The following TTN variants were observed in gnomAD, a reference collection of about 807,000 sequenced individuals.
TTN encodes the protein connectin.
A neutral mutation model predicts 3,223.0 loss-of-function variants in TTN; 1,525 were observed. The observed-to-expected ratio is 0.47, with a 90% CI of 0.45 to 0.49. The LOEUF (loss-of-function observed/expected upper bound fraction) is 0.49. Among genes scored for constraint, TTN ranks in the 20% least tolerant of loss-of-function variants. The pLI, the probability that TTN is intolerant of heterozygous loss-of-function variation, is 0.00. For synonymous variants in TTN, 14,094 were observed against 15,161.0 expected, an observed-to-expected ratio of 0.93 and a Z score of 5.17; for missense variants, 40,786 against 43,424.0, an observed-to-expected ratio of 0.94 and a Z score of 5.40.
chr2:178,751,969 G>A, intron 47 of TTN: 3 of 1,589,244 alleles, frequency 1.9e-6, no homozygotes, highest in Non-Finnish European at 2.6e-6. Context: ...TGTGGTCTAT[G>A]TCTTCAGAAT....
rs373871146 is a variant in TTN at position 178,546,468 on chromosome 2, G to A, written c.94863C>T (p.His31621=). 764 of 1,613,024 alleles carry A rather than the reference G, an allele frequency of 4.7e-4. 20 individuals carry two copies. In the Middle Eastern group the frequency reaches 0.033, roughly 69 times the overall value. The change falls in exon 342 of 363, where the codon CAC becomes CAT. Residue 31621 remains histidine, a synonymous_variant. Coordinates refer to ENST00000589042, the MANE Select transcript of TTN (RefSeq NM_001267550.2). ...PPKAELDARL[H]GDLVTIRAGS... Reference sequence around the variant, plus strand: ...CTGCTCTGATGGTAACCAGATCACCGTGTAATCGGGCATCCAGTTCGGCTT... The same window carrying A: ...CTGCTCTGATGGTAACCAGATCACCATGTAATCGGGCATCCAGTTCGGCTT...
chr2:178,621,077 A>T, intron 246 of TTN, 25 bp downstream of exon 246: 5 of 1,607,674 alleles, frequency 3.1e-6, no homozygotes, highest in South Asian at 2.2e-5. Context: ...CAAACAAAAA[A>T]CCCTAAAAGC....
chr2:178,748,676 T>G (rs768960532), intron 47 of TTN: 5 of 1,612,926 alleles, frequency 3.1e-6, no homozygotes, highest in Non-Finnish European at 4.2e-6. Context: ...CTGCTTTAAG[T>G]CAAATGTAAT....
chr2:178,745,491 C>A, intron 47 of TTN: 1 of 1,550,134 alleles, frequency 6.5e-7, no homozygotes, highest in Non-Finnish European at 8.7e-7. Flanking sequence ...ATATGGTGGA[C>A]CTGTTTGGAA....
Position 178,605,677 on chromosome 2 carries a change from T to C in TTN, c.53618A>G (p.Glu17873Gly). 1.9e-6 allele frequency: 3 copies of C among 1,601,324 alleles called. No homozygotes were observed. The highest frequency in any genetic ancestry group is 2.6e-6 in the Non-Finnish European group (3 of 1,171,982). The change falls in exon 279 of 363, where the codon GAA becomes GGA. Residue 17873 changes from glutamate (E) to glycine (G), a missense_variant. Physicochemically the swap from Glu to Gly is moderately conservative, Grantham distance 98. Coordinates refer to ENST00000589042, the MANE Select transcript of TTN (RefSeq NM_001267550.2). The stretch of plus-strand genomic sequence containing the variant: ...AAGTGTGATAGTGGACTTTGTCCTT[T>C]CAGTGTATGTGAGCCTCTCTGGAGA... ...PTSPERLTYT[E>G]RTKSTITLDW... is the part of the protein sequence containing the mutation.
In TTN at chr2:178,718,071, A is replaced by G. The variant is rs756314449; in HGVS notation, c.24935T>C (p.Met8312Thr). 2.5e-6 allele frequency: 4 copies of G among 1,613,564 alleles called. No individual in the cohort carries two copies. In the South Asian group the frequency reaches 4.4e-5, roughly 18 times the overall value. Residue 8312 changes from methionine (M) to threonine (T), a missense_variant, in exon 86 of 363, where the codon ATG becomes ACG. Met to Thr is a moderately conservative substitution (Grantham distance 81). Transcript: ENST00000589042. ...GGAAGCAACGTTATTTTTGAATTGC[A>G]TTTTATATGCAGGAGCTGATCGTAG... Reference protein sequence around the residue: ...TKLRSAPAYKMQFKNNVASLV... With the variant: ...TKLRSAPAYKTQFKNNVASLV...
chr2:178,746,373 T>C (rs777422156), intron 47 of TTN: 7 of 1,611,552 alleles, frequency 4.3e-6, no homozygotes, highest in East Asian at 2.2e-5. Flanking sequence ...CTCACAATCA[T>C]ACTTTTATGG....
rs931997387 is a variant in TTN, at chr2:178,539,837, T to C, written c.98228A>G (p.Gln32743Arg). 1.2e-6 allele frequency: 2 copies of C among 1,613,758 alleles called. No individual in the cohort carries two copies. The highest frequency in any genetic ancestry group is 2.7e-5 in the African/African-American group (2 of 74,922). The change falls in exon 352 of 363, where the codon CAG becomes CGG. Residue 32743 changes from glutamine to arginine, a missense_variant. By Grantham distance (43) the Gln-to-Arg change is conservative (BLOSUM62 1). Coordinates refer to ENST00000589042, the MANE Select transcript of TTN (RefSeq NM_001267550.2). ...AATCATGGCACGCTTACTAATATCC[T>C]GGCCTTCCTTGGTCCATTTACATAT... ...FPICKWTKEG[Q>R]DISKRAMIAT...
chr2:178,660,613 C>T (rs1342053957), intron 180 of TTN, among the ~76,000 whole-genome samples: 1 of 149,662 alleles, frequency 6.7e-6, no homozygotes, highest in Non-Finnish European at 1.5e-5. Flanking sequence ...AGGACATAGG[C>T]ATGGGCAAGG....
At position 178,620,709 on chromosome 2, in the gene TTN, A is replaced by T; in HGVS notation, c.45895+6T>A. 6.2e-6 allele frequency: 10 copies of T among 1,611,766 alleles called. No homozygotes were observed. The highest frequency in any genetic ancestry group is 8.5e-6 in the Non-Finnish European group (10 of 1,178,908). ...AAAAATCTCTAGTGGTATATAAATT[A>T]CTTACCTTCTACTATTAGATTGGCT... On this transcript the variant is annotated splice_donor_region_variant and intron_variant, in intron 247 of 362. Coordinates refer to ENST00000589042, the MANE Select transcript of TTN (RefSeq NM_001267550.2).
rs372187889 is a variant in TTN at position 178,777,945 on chromosome 2, A to C, written c.4239T>G (p.Ser1413=). The C allele has an allele frequency of 5.0e-6, 8 of 1,613,848 alleles. No homozygotes were observed. In the African/African-American group the frequency reaches 1.1e-4, roughly 22 times the overall value. ...RSLSPRSVSR[S]PIRMSPARMS... is the part of the protein sequence containing the mutation. Reference sequence around the variant, plus strand: ...TCCGTGCAGGAGACATGCGTATAGGAGACCTGCTCACTGAACGTGGAGAGA... The same window carrying C: ...TCCGTGCAGGAGACATGCGTATAGGCGACCTGCTCACTGAACGTGGAGAGA... The change falls in exon 25 of 363, where the codon TCT becomes TCG. Residue 1413 remains serine, a synonymous_variant. Transcript: ENST00000589042.
rs1178344737 is a variant in TTN, at chr2:178,740,698, A to G, written c.12535T>C (p.Ser4179Pro). 1.2e-6 allele frequency: 2 copies of G among 1,613,720 alleles called. No homozygotes were observed. The highest frequency in any genetic ancestry group is 8.5e-7 in the Non-Finnish European group (1 of 1,179,812). ...CTTGGGAAGATTTTCTCGGTATCTG[A>G]TAGAACTGCCTGTGTCTCAGGCTCT... ...PEEPETQAVL[S>P]DTEKIFPSAM... Residue 4179 changes from serine to proline, a missense_variant, in exon 48 of 363, where the codon TCA (serine) becomes CCA (proline). Coordinates refer to ENST00000589042, the MANE Select transcript of TTN (RefSeq NM_001267550.2).
chr2:178,727,864 C>G lies in TTN; in HGVS notation c.19715-1G>C, dbSNP rs767658044. 6.4e-7 allele frequency: 1 copy of G among 1,567,122 alleles called. No homozygotes were observed. The highest frequency in any genetic ancestry group is 8.6e-7 in the Non-Finnish European group (1 of 1,160,238). On this transcript the variant is annotated splice_acceptor_variant, in intron 67 of 362. Transcript: ENST00000589042. LOFTEE classifies it high-confidence loss of function. Reference sequence around the variant, plus strand: ...GGTTTCACTAGGAAGCTTGGTGGTTCTATAGATTTTAAGAGAGATATATTT... The same window carrying G: ...GGTTTCACTAGGAAGCTTGGTGGTTGTATAGATTTTAAGAGAGATATATTT...
At chr2:178,721,798 A>G in intron 78 of TTN, 49 bp downstream of exon 78, 1 of 1,437,776 alleles carries the variant, frequency 7.0e-7, no homozygotes, top group Admixed American at 2.5e-5. Context: ...TAAGACAATT[A>G]TGCAAATATG....
chr2:178,733,070 A>G lies in TTN; in HGVS notation c.16106T>C (p.Val5369Ala), dbSNP rs1407785236. ...GTCCAGTCTGCAGGTACCATTAACA[A>G]CACTATCCACGTTGCGCAAGGGTTT... ...FTKPLRNVDS[V>A]VNGTCRLDCK... The change falls in exon 55 of 363, where the codon GTT becomes GCT. Residue 5369 changes from valine (V) to alanine (A), a missense_variant. By Grantham distance (64) the Val-to-Ala change is moderately conservative. Coordinates refer to ENST00000589042, the MANE Select transcript of TTN (RefSeq NM_001267550.2). The G allele has an allele frequency of 3.1e-6, 5 of 1,609,920 alleles. No individual in the cohort carries two copies. Among genetic ancestry groups the G allele is most frequent in the Non-Finnish European group, 4.2e-6 (5 of 1,177,404 alleles).
In TTN at chr2:178,588,207, G is replaced by A. The variant is rs1479721183; in HGVS notation, c.63200C>T (p.Pro21067Leu). ...ATCAACCACTCTGAAATTGGTTGGT[G>A]GACCAGGTGGCTCTGAAAGTAAAAT... ...VAKDPIEPPG[P>L]PTNFRVVDTT... The change falls in exon 305 of 363, where the codon CCA (proline) becomes CTA (leucine). Residue 21067 changes from proline to leucine, a missense_variant. Transcript: ENST00000589042. The A allele has an allele frequency of 6.4e-7, 1 of 1,571,320 alleles. No homozygotes were observed. Among genetic ancestry groups the A allele is most frequent in the Admixed American group, 1.8e-5 (1 of 56,762 alleles).
rs756544826 is a variant in TTN at position 178,563,577 on chromosome 2, A to G, written c.82555T>C (p.Cys27519Arg). Residue 27519 changes from cysteine (C) to arginine (R), a missense_variant, in exon 326 of 363, where the codon TGC (cysteine) becomes CGC (arginine). By Grantham distance (180) the Cys-to-Arg change is radical. Transcript: ENST00000589042. This position sits in a 1 kb window ranked among gnomAD's most constrained non-coding sequence, Gnocchi z 4.5. ...RDKEGVRWTKCNKKTLTDLRL... is the reference protein window; with the variant it reads ...RDKEGVRWTKRNKKTLTDLRL... ...AGATCCGTTAATGTTTTCTTGTTGC[A>G]CTTGGTCCATCTAACGCCTTCCTTA... 6.2e-7 allele frequency: 1 copy of G among 1,613,768 alleles called. No homozygotes were observed. Among genetic ancestry groups the G allele is most frequent in the South Asian group, 1.1e-5 (1 of 91,082 alleles).
rs2070159282 is a variant in TTN at position 178,684,057 on chromosome 2, G to A, written c.32748C>T (p.Val10916=). The change falls in exon 133 of 363, where the codon GTC becomes GTT. Residue 10916 remains valine, a synonymous_variant. Coordinates refer to ENST00000589042, the MANE Select transcript of TTN (RefSeq NM_001267550.2). ...TGAGTTTCAGAACTTTTTCTTCTGG[G>A]ACAGCTCTCTTCGGTTCCTCTGGCA... The part of the protein sequence containing the change: ...ARVPEEPKRA[V]PEEKVLKLKP... 6.2e-7 allele frequency: 1 copy of A among 1,611,264 alleles called. No homozygotes were observed. The highest frequency in any genetic ancestry group is 1.3e-5 in the African/African-American group (1 of 74,536).
In TTN at chr2:178,537,149, G is replaced by A. The variant is rs769037978; in HGVS notation, c.99960C>T (p.Gly33320=). The change falls in exon 356 of 363, where the codon GGC becomes GGT. Residue 33320 remains glycine (G), a synonymous_variant. Transcript: ENST00000589042. ...ISWKPPADDG[G]SWITNYVVEK... ...CCACCACATAGTTGGTGATCCAGGA[G>A]CCTCCGTCATCTGCGGGTGGTTTCC... is the stretch of plus-strand genomic sequence containing the variant. 10 of 1,613,544 alleles carry A rather than the reference G, an allele frequency of 6.2e-6. No individual in the cohort carries two copies. In the South Asian group the frequency reaches 9.9e-5, roughly 16 times the overall value.
Sources: gnomAD v4.1 joint callset for allele counts (sites outside exome capture counted in the v4.1 genomes callset) on GRCh38, gnomAD v4.1.1 for gene constraint, Gnocchi (gnomAD v3.1) non-coding constraint, MANE v1.5 for transcripts, NCBI Gene and HGNC (gene_info 2026-07-23, HGNC 2026-07-21) for gene names.